MAST4: variants seen among roughly 807,000 people sequenced by gnomAD.
MAST4 encodes microtubule-associated serine/threonine-protein kinase 4.
In MAST4, 89 loss-of-function variants were observed where a neutral mutation model predicts 162.7. The observed-to-expected ratio is 0.55, with a 90% CI of 0.46 to 0.65. The LOEUF is 0.65. Among genes scored for constraint, MAST4 ranks in the 30% least tolerant of loss-of-function variants. MAST4 has a pLI of 0.00. For missense variants in MAST4, 3,153 were observed against 3,374.0 expected (o/e 0.93, Z 1.62); for synonymous variants, 1,479 against 1,361.1 (o/e 1.09, Z -1.91).
chr5:66,970,010 T>C (rs2150194230), intron 4 of MAST4, among the ~76,000 whole-genome samples: 1 of 152,286 alleles, frequency 6.6e-6, no homozygotes, highest in African/African-American at 2.4e-5. Flanking sequence ...AATTGTCATA[T>C]AGGATCAAAT....
chr5:66,792,876 T>TG (rs1187746769), intron 3 of MAST4, among the ~76,000 whole-genome samples: 4 of 152,164 alleles, frequency 2.6e-5, no homozygotes, highest in East Asian at 1.9e-4. Flanking sequence ...TGTTCAAGTA[T>TG]GGGGGGGATT....
intron 5 of MAST4, among the ~76,000 whole-genome samples, chr5:67,087,647 T>C (rs1763391832): frequency 1.3e-5 from 2 of 152,230 alleles, no homozygotes; most frequent in Non-Finnish European, 2.9e-5. Context: ...TAAGGAATTA[T>C]CAGTTGCTCT....
chr5:66,760,639 A>G (rs1753804496), intron 2 of MAST4, among the ~76,000 whole-genome samples: 1 of 152,200 alleles, frequency 6.6e-6, no homozygotes, highest in Non-Finnish European at 1.5e-5. Flanking sequence ...TAATGGAAGC[A>G]GAGTATCTAC....
At chr5:67,004,475 C>G (rs938983604) in intron 4 of MAST4, 2 of 152,748 alleles carry the variant, frequency 1.3e-5, no homozygotes, top group African/African-American at 4.8e-5. Context: ...AAATTCTTTT[C>G]CTTGTATGTA....
intron 4 of MAST4, among the ~76,000 whole-genome samples, chr5:66,997,987 G>C (rs916017738): frequency 6.6e-6 from 1 of 152,150 alleles, no homozygotes; most frequent in Non-Finnish European, 1.5e-5. Context: ...TTCTACCTCT[G>C]TATATGCTCC....
chr5:66,794,765 T>C (rs1298905390), intron 3 of MAST4, among the ~76,000 whole-genome samples: 1 of 152,244 alleles, frequency 6.6e-6, no homozygotes, highest in Admixed American at 6.5e-5. Flanking sequence ...GGCTTAATTT[T>C]ATGTTTCTTT....
intron 3 of MAST4, among the ~76,000 whole-genome samples, chr5:66,805,350 A>G (rs972316028): frequency 1.3e-5 from 2 of 152,202 alleles, no homozygotes; most frequent in African/African-American, 4.8e-5. Context: ...GTGTCACATC[A>G]TAAAATTCTT....
At chr5:67,084,623 C>T (rs960379102) in intron 5 of MAST4, among the ~76,000 whole-genome samples, 8 of 152,070 alleles carry the variant, frequency 5.3e-5, no homozygotes, top group African/African-American at 1.9e-4. Flanking sequence ...TATCCCTTAC[C>T]ATCACTTACA....
In MAST4 at chr5:66,790,831, G is replaced by C. The variant is rs140883868; in HGVS notation, c.642+2037G>C. ...TTTTATTAAGAGCTTATTTTACTCT[G>C]ATTATTTACTTTTTAAGGAAAGAGG... On this transcript the variant is annotated intron_variant, in intron 3 of 28. Transcript: ENST00000403625. 7.4e-3 allele frequency among the ~76,000 whole-genome samples: 1,130 copies of C among 152,218 alleles called. 6 individuals carry two copies. The highest frequency in any genetic ancestry group is 0.019 in the South Asian group (94 of 4,824).
chr5:67,145,030 ACATCTCT>A, intron 22 of MAST4, 107 bp from the exon 23 acceptor site: 1 of 954,144 alleles, frequency 1.0e-6, no homozygotes, highest in Non-Finnish European at 1.6e-6. Context: ...ATTGCACTAG[ACATCTCT>A]TGGTTAGGCT....
At chr5:66,704,492 CTTTTTTT>C (rs1172510331) in intron 1 of MAST4, among the ~76,000 whole-genome samples, 1 of 97,344 alleles carries the variant, frequency 1.0e-5, no homozygotes, top group Non-Finnish European at 1.9e-5. Context: ...GCTTGTTGTT[CTTTTTTT>C]TTTTTTTTTT....
At chr5:66,997,389 A>AAC (rs1185605145) in intron 4 of MAST4, among the ~76,000 whole-genome samples, 1 of 151,614 alleles carries the variant, frequency 6.6e-6, no homozygotes, top group African/African-American at 2.4e-5. Flanking sequence ...TTACCAGTGA[A>AAC]ACAGGTAAAT....
At chr5:66,796,611 T>C (rs1755659780) in intron 3 of MAST4, among the ~76,000 whole-genome samples, 2 of 152,090 alleles carry the variant, frequency 1.3e-5, no homozygotes, top group African/African-American at 4.8e-5. Flanking sequence ...GGGATTTAAA[T>C]AATAGAAACA....
At chr5:66,875,997 G>A (rs2149888557) in intron 3 of MAST4, among the ~76,000 whole-genome samples, 1 of 152,188 alleles carries the variant, frequency 6.6e-6, no homozygotes, top group Non-Finnish European at 1.5e-5. Flanking sequence ...CAAACTCTGG[G>A]GTCAAGCAAT....
intron 4 of MAST4, among the ~76,000 whole-genome samples, chr5:66,910,801 A>G (rs1763706807): frequency 7.3e-6 from 1 of 136,260 alleles, no homozygotes; most frequent in South Asian, 2.4e-4. Context: ...ACCAGGCTGG[A>G]GTGCAGTGGT....
intron 23 of MAST4, among the ~76,000 whole-genome samples, chr5:67,146,463 G>A (rs1287010696): frequency 1.3e-5 from 2 of 152,208 alleles, no homozygotes; most frequent in African/African-American, 2.4e-5. Flanking sequence ...AAAAATGAGA[G>A]ATGTATATGG....
intron 4 of MAST4, among the ~76,000 whole-genome samples, chr5:66,924,647 C>T (rs911624501): frequency 6.6e-6 from 1 of 152,088 alleles, no homozygotes; most frequent in African/African-American, 2.4e-5. Context: ...CCTACCTCTG[C>T]CCCCCAAAGT....
At chr5:66,764,108 A>T (rs1753975238) in intron 2 of MAST4, among the ~76,000 whole-genome samples, 1 of 152,232 alleles carries the variant, frequency 6.6e-6, no homozygotes. Flanking sequence ...AAACATCTCA[A>T]TGGTAGACAA....
At chr5:66,845,122 T>G (rs374337469) in intron 3 of MAST4, among the ~76,000 whole-genome samples, 1 of 106,358 alleles carries the variant, frequency 9.4e-6, no homozygotes, top group Non-Finnish European at 2.0e-5. Context: ...TATATATATA[T>G]ATATACACAC....
Sources: allele counts gnomAD v4.1 joint callset (sites outside exome capture counted in the v4.1 genomes callset), GRCh38; gene constraint gnomAD v4.1.1; transcripts MANE v1.5; gene names NCBI Gene and HGNC (gene_info 2026-07-23, HGNC 2026-07-21).